Variants in ZC2HC1A observed in about 807,000 individuals in gnomAD.
The protein encoded by ZC2HC1A is zinc finger C2HC domain-containing protein 1A.
A neutral mutation model predicts 40.7 loss-of-function variants in ZC2HC1A; 28 were observed. The observed-to-expected ratio is 0.69, with a 90% CI of 0.51 to 0.94. ZC2HC1A has a LOEUF of 0.94. Ranked by LOEUF, ZC2HC1A falls within the 40% of genes least tolerant of loss-of-function variation. The pLI, the probability that ZC2HC1A is intolerant of heterozygous loss-of-function variation, is 0.00. For synonymous variants in ZC2HC1A, 129 were observed against 129.2 expected (o/e 1.00, Z 0.01); for missense variants, 389 against 386.3 (o/e 1.01, Z -0.06).
Position 78,715,277 on chromosome 8 carries a change from C to T in ZC2HC1A, c.761C>T (p.Pro254Leu), listed in dbSNP as rs1811065038. Residue 254 changes from proline (P) to leucine (L), a missense_variant, in exon 8 of 9, where the codon CCA becomes CTA. Physicochemically the swap from Pro to Leu is moderately conservative, Grantham distance 98. Coordinates refer to ENST00000263849, the MANE Select transcript of ZC2HC1A (RefSeq NM_016010.3). ...CCTAGTTTGGCAAGAAATCCTGCCC[C>T]AGGTGTGCTTACAAACAAAAGAAAA... The part of the protein sequence containing the change: ...TPPSLARNPA[P>L]GVLTNKRKTY... 1 of 1,613,770 alleles carries T rather than the reference C, an allele frequency of 6.2e-7. No homozygotes were observed.
At chr8:78,715,468 C>T (rs889256168) in intron 8 of ZC2HC1A, 140 bp downstream of exon 8, 8 of 712,038 alleles carry the variant, frequency 1.1e-5, no homozygotes, top group Non-Finnish European at 1.7e-5. Flanking sequence ...TTAAGTTGTA[C>T]ACCTCTAATG....
At chr8:78,694,218 C>G (rs1810320595) in intron 5 of ZC2HC1A, among the ~76,000 whole-genome samples, 1 of 150,578 alleles carries the variant, frequency 6.6e-6, no homozygotes, top group South Asian at 2.1e-4. Flanking sequence ...ATGTAGTACT[C>G]ATAGTTGTTT....
intron 7 of ZC2HC1A, among the ~76,000 whole-genome samples, chr8:78,705,950 A>T (rs1810759802): frequency 6.6e-6 from 1 of 151,884 alleles, no homozygotes; most frequent in African/African-American, 2.4e-5. Context: ...ACCAGCAGGG[A>T]TGGTTGGAGG....
intron 3 of ZC2HC1A, among the ~76,000 whole-genome samples, chr8:78,680,898 G>A (rs112728314): frequency 0.021 from 3,252 of 152,212 alleles, 121 homozygotes; most frequent in African/African-American, 0.068. Flanking sequence ...GGAGCTGTAG[G>A]AATTTGGATA....
chr8:78,684,893 T>A (rs1809914490), intron 3 of ZC2HC1A, among the ~76,000 whole-genome samples: 1 of 152,210 alleles, frequency 6.6e-6, no homozygotes, highest in African/African-American at 2.4e-5. Context: ...TATTCTTGTA[T>A]AGGTAGACTC....
intron 2 of ZC2HC1A, 118 bp from the exon 3 acceptor site, chr8:78,678,445 G>T: frequency 1.4e-6 from 1 of 703,332 alleles, no homozygotes. Context: ...TTATTATTTT[G>T]TATTCAGGTT....
chr8:78,695,400 C>T (rs1810365914), intron 5 of ZC2HC1A, among the ~76,000 whole-genome samples: 1 of 152,108 alleles, frequency 6.6e-6, no homozygotes, highest in Admixed American at 6.5e-5. Flanking sequence ...CTACCAGGAA[C>T]CTTTCTGCCT....
rs200872378 is a variant in ZC2HC1A, at chr8:78,689,363, G to A, written c.494G>A (p.Arg165Gln). ...STDTKGKPTS[R>Q]TQVYKPPALK... ...GATACCAAAGGAAAACCAACTTCTC[G>A]GACACAGGTGGTAAGTTCAGTTTTA... is the stretch of plus-strand genomic sequence containing the variant. The change falls in exon 5 of 9, where the codon CGG becomes CAG. Residue 165 changes from arginine to glutamine, a missense_variant. By Grantham distance (43) the Arg-to-Gln change is conservative. Coordinates refer to ENST00000263849, the MANE Select transcript of ZC2HC1A (RefSeq NM_016010.3). The A allele has an allele frequency of 1.0e-4, 162 of 1,586,364 alleles. No individual in the cohort carries two copies. The highest frequency in any genetic ancestry group is 7.7e-5 in the Non-Finnish European group (90 of 1,167,726).
chr8:78,683,692 A>G (rs1250731453), intron 3 of ZC2HC1A, among the ~76,000 whole-genome samples: 14 of 152,052 alleles, frequency 9.2e-5, no homozygotes, highest in Non-Finnish European at 1.9e-4. Context: ...ATTACTTGTT[A>G]CTCATGCAAA....
chr8:78,686,441 T>G, intron 3 of ZC2HC1A, 26 bp from the exon 4 acceptor site: 1 of 1,309,802 alleles, frequency 7.6e-7, no homozygotes, highest in Non-Finnish European at 9.9e-7. Context: ...GTTTATTTAT[T>G]TATTTATTTA....
chr8:78,711,933 TTA>T (rs1810961797), intron 7 of ZC2HC1A: 2 of 1,111,292 alleles, frequency 1.8e-6, no homozygotes, highest in Non-Finnish European at 2.4e-6. Context: ...TAAAAAAACT[TTA>T]TATAAAGAAG....
intron 1 of ZC2HC1A, among the ~76,000 whole-genome samples, chr8:78,668,262 A>G (rs774018413): frequency 9.2e-5 from 14 of 152,290 alleles, no homozygotes; most frequent in Non-Finnish European, 1.9e-4. Context: ...TTCTAGAAAC[A>G]TTGATACAGT....
intron 8 of ZC2HC1A, among the ~76,000 whole-genome samples, chr8:78,716,748 T>C (rs1482862690): frequency 2.6e-5 from 4 of 152,160 alleles, no homozygotes; most frequent in Non-Finnish European, 4.4e-5. Context: ...CCAAATCTCA[T>C]GTCAAATTGT....
chr8:78,671,070 A>G (rs75095941), intron 1 of ZC2HC1A, among the ~76,000 whole-genome samples: 1 of 152,368 alleles, frequency 6.6e-6, no homozygotes, highest in East Asian at 1.9e-4. Flanking sequence ...GGAGATGGAC[A>G]TGCCACAAGG....
chr8:78,708,446 G>A (rs1207632089), intron 7 of ZC2HC1A, among the ~76,000 whole-genome samples: 1 of 152,030 alleles, frequency 6.6e-6, no homozygotes, highest in Non-Finnish European at 1.5e-5. Context: ...GGGAGAGTGA[G>A]GTGGGAGAGT....
At chr8:78,717,206 A>G in intron 8 of ZC2HC1A, 122 bp from the exon 9 acceptor site, 1 of 844,370 alleles carries the variant, frequency 1.2e-6, no homozygotes, top group Non-Finnish European at 1.7e-6. Flanking sequence ...TTTGAACTAG[A>G]GGAATATTAA....
chr8:78,716,621 C>T (rs1586036335), intron 8 of ZC2HC1A, among the ~76,000 whole-genome samples: 1 of 152,242 alleles, frequency 6.6e-6, no homozygotes, highest in Non-Finnish European at 1.5e-5. Context: ...TGGTTGGGTT[C>T]TCTTTAGAGA....
chr8:78,709,081 T>C (rs1249187121), intron 7 of ZC2HC1A, among the ~76,000 whole-genome samples: 1 of 152,218 alleles, frequency 6.6e-6, no homozygotes, highest in African/African-American at 2.4e-5. Flanking sequence ...TTGTACCTTA[T>C]TACCAGTTTA....
At chr8:78,669,363 A>G (rs1003949374) in intron 1 of ZC2HC1A, among the ~76,000 whole-genome samples, 2 of 152,216 alleles carry the variant, frequency 1.3e-5, no homozygotes, top group Admixed American at 1.3e-4. Context: ...GTATTAAATA[A>G]TGTAATATAT....
Sources: gnomAD v4.1 joint callset for allele counts (sites outside exome capture counted in the v4.1 genomes callset) on GRCh38, gnomAD v4.1.1 for gene constraint, MANE v1.5 for transcripts, NCBI Gene and HGNC (gene_info 2026-07-23, HGNC 2026-07-21) for gene names.